The following GLIS3 variants were observed in gnomAD, a reference collection of about 807,000 sequenced individuals.
The protein encoded by GLIS3 is zinc finger protein GLIS3.
Under a neutral mutation model 78.6 loss-of-function variants are expected in GLIS3, and 53 were observed. The observed-to-expected ratio is 0.67, with a 90% CI of 0.54 to 0.85. The LOEUF is 0.85. Ranked by LOEUF, GLIS3 falls within the 40% of genes least tolerant of loss-of-function variation. The pLI is 0.00. For synonymous variants in GLIS3, 684 were observed against 509.9 expected, an observed-to-expected ratio of 1.34 and a Z score of -4.60; for missense variants, 1,703 against 1,231.1, an observed-to-expected ratio of 1.38 and a Z score of -5.74.
At chr9:4,070,483 T>C (rs1333115545) in intron 4 of GLIS3, among the ~76,000 whole-genome samples, 1 of 152,046 alleles carries the variant, frequency 6.6e-6, no homozygotes, top group Non-Finnish European at 1.5e-5. Flanking sequence ...GGTTACTCTG[T>C]GTGTGTGCAT....
the GLIS3 span, among the ~76,000 whole-genome samples, chr9:4,360,339 T>A: frequency 6.6e-6 from 1 of 152,170 alleles, no homozygotes; most frequent in Non-Finnish European, 1.5e-5. Context: ...ACATGATCCA[T>A]CTCAGAGACT....
chr9:4,337,906 T>C (rs1007021140), intron 2 of GLIS3, among the ~76,000 whole-genome samples: 30 of 151,920 alleles, frequency 2.0e-4, no homozygotes, highest in African/African-American at 6.8e-4. Flanking sequence ...TTCAAAGAGA[T>C]GAAAATATTT....
intron 8 of GLIS3, among the ~76,000 whole-genome samples, chr9:3,876,509 T>C (rs949116918): frequency 2.7e-5 from 4 of 149,614 alleles, no homozygotes; most frequent in African/African-American, 7.4e-5. Flanking sequence ...ATTGGGTTTA[T>C]GTAGGAGAAT....
At chr9:4,440,564 T>G in the GLIS3 span, among the ~76,000 whole-genome samples, 1 of 152,196 alleles carries the variant, frequency 6.6e-6, no homozygotes, top group Non-Finnish European at 1.5e-5. Context: ...TTATTTTAGC[T>G]TTGTTGTATA....
chr9:4,442,148 A>G, the GLIS3 span, among the ~76,000 whole-genome samples: 13 of 152,100 alleles, frequency 8.5e-5, no homozygotes, highest in Non-Finnish European at 1.9e-4. Context: ...GGGCTGTTCA[A>G]ATTTTCTATT....
chr9:4,446,340 G>A, the GLIS3 span, among the ~76,000 whole-genome samples: 2 of 152,098 alleles, frequency 1.3e-5, no homozygotes, highest in African/African-American at 4.8e-5. Context: ...CGATGAAGTA[G>A]GAAGCTATGC....
At chr9:4,415,848 T>C in the GLIS3 span, among the ~76,000 whole-genome samples, 3 of 152,012 alleles carry the variant, frequency 2.0e-5, no homozygotes, top group African/African-American at 7.2e-5. Context: ...TACATACTAA[T>C]GGAACAGTCA....
chr9:4,425,205 G>T, the GLIS3 span, among the ~76,000 whole-genome samples: 146 of 152,292 alleles, frequency 9.6e-4, no homozygotes, highest in African/African-American at 3.3e-3. Flanking sequence ...ACATGAGAGC[G>T]ATATAAATTT....
chr9:4,252,255 G>T (rs953570840), intron 2 of GLIS3, among the ~76,000 whole-genome samples: 9 of 152,074 alleles, frequency 5.9e-5, no homozygotes, highest in African/African-American at 2.2e-4. Context: ...TCAAATGTAG[G>T]TTTGGTCTTT....
At chr9:3,832,175 C>G (rs935049629) in intron 9 of GLIS3, among the ~76,000 whole-genome samples, 1 of 149,878 alleles carries the variant, frequency 6.7e-6, no homozygotes, top group Admixed American at 6.7e-5. Context: ...TTAATACTTA[C>G]ATATTATACA....
intron 2 of GLIS3, among the ~76,000 whole-genome samples, chr9:4,185,993 TTTTA>T (rs905948646): frequency 6.6e-6 from 1 of 151,926 alleles, no homozygotes; most frequent in Non-Finnish European, 1.5e-5. Context: ...TTCTTCTTTT[TTTTA>T]AATTTTATTT....
intron 7 of GLIS3, among the ~76,000 whole-genome samples, chr9:3,897,372 T>C (rs138610542): frequency 5.8e-4 from 88 of 152,330 alleles, no homozygotes; most frequent in Admixed American, 1.1e-3. Context: ...CTGAAATAAA[T>C]GTTCATATAT....
chr9:3,921,658 A>G (rs1824897992), intron 6 of GLIS3, among the ~76,000 whole-genome samples: 1 of 152,198 alleles, frequency 6.6e-6, no homozygotes, highest in Non-Finnish European at 1.5e-5. Context: ...TAAATTTTCT[A>G]TGATTAAAAA....
chr9:4,167,104 G>A (rs1420943126), intron 2 of GLIS3, among the ~76,000 whole-genome samples: 2 of 151,726 alleles, frequency 1.3e-5, no homozygotes, highest in East Asian at 3.8e-4. Flanking sequence ...TAAAGATCAT[G>A]CCTAATTAAT....
chr9:4,364,559 G>A, the GLIS3 span, among the ~76,000 whole-genome samples: 8 of 151,938 alleles, frequency 5.3e-5, no homozygotes, highest in Admixed American at 1.3e-4. Flanking sequence ...TATCCATAAT[G>A]CAATATTGCT....
At position 3,827,639 on chromosome 9, in the gene GLIS3, A is replaced by C. The variant is rs1467649074; in HGVS notation, c.*633T>G. 6.4e-6 allele frequency: 1 copy of C among 155,362 alleles called. No individual in the cohort carries two copies. Among genetic ancestry groups the C allele is most frequent in the East Asian group, 1.9e-4 (1 of 5,242 alleles). 9.6% of individuals were successfully genotyped at this position (155,362 alleles called of 1,614,324 possible). The stretch of plus-strand genomic sequence containing the variant: ...TTTCATTTTAAAATACGTATAAATA[A>C]CTAAGTCTTTAAAATGCAAAAACAA... On this transcript the variant is annotated 3_prime_UTR_variant, in exon 11 of 11. Coordinates refer to ENST00000381971, the MANE Select transcript of GLIS3 (RefSeq NM_001042413.2).
chr9:3,997,069 C>T (rs532555394), intron 4 of GLIS3, among the ~76,000 whole-genome samples: 8 of 152,232 alleles, frequency 5.3e-5, no homozygotes, highest in Middle Eastern at 3.4e-3. Context: ...GAGTTGCGGC[C>T]GGGCGCGGTG....
the GLIS3 span, among the ~76,000 whole-genome samples, chr9:4,442,777 G>A: frequency 6.6e-6 from 1 of 151,970 alleles, no homozygotes; most frequent in Non-Finnish European, 1.5e-5. Context: ...TTAAAATGAA[G>A]GCTTATTTTA....
At chr9:4,229,008 T>C (rs376114711) in intron 2 of GLIS3, among the ~76,000 whole-genome samples, 64 of 128,942 alleles carry the variant, frequency 5.0e-4, no homozygotes, top group African/African-American at 1.6e-3. Flanking sequence ...ACTGTTTTAA[T>C]GTAAAAAATC....
Sources: gnomAD v4.1 joint callset for allele counts (sites outside exome capture counted in the v4.1 genomes callset) on GRCh38, gnomAD v4.1.1 for gene constraint, MANE v1.5 for transcripts, NCBI Gene and HGNC (gene_info 2026-07-23, HGNC 2026-07-21) for gene names.